UPF2: variants seen among roughly 807,000 people sequenced by gnomAD.
The protein encoded by UPF2 is regulator of nonsense transcripts 2.
In UPF2, 17 loss-of-function variants were observed where a neutral mutation model predicts 141.4. The ratio of observed to expected loss-of-function variants is 0.12; its 90% CI spans 0.08 to 0.18. The LOEUF (loss-of-function observed/expected upper bound fraction) is 0.18. UPF2 is among the 10% of genes least tolerant of loss of function. UPF2 has a pLI of 1.00. For synonymous variants in UPF2, 540 were observed against 498.0 expected, an observed-to-expected ratio of 1.08 and a Z score of -1.12; for missense variants, 1,152 against 1,515.9, an observed-to-expected ratio of 0.76 and a Z score of 3.99.
chr10:12,040,239 T>C (rs1357639096), intron 1 of UPF2, among the ~76,000 whole-genome samples: 1 of 151,956 alleles, frequency 6.6e-6, no homozygotes, highest in African/African-American at 2.4e-5. Flanking sequence ...GCCAACAACA[T>C]GGTGAAACCC....
intron 1 of UPF2, among the ~76,000 whole-genome samples, chr10:12,039,064 A>G (rs1834687277): frequency 6.6e-6 from 1 of 152,228 alleles, no homozygotes; most frequent in Non-Finnish European, 1.5e-5. Context: ...TAAAGCAAGC[A>G]AACTTTCAAA....
At chr10:11,999,799 A>G in intron 7 of UPF2, 107 bp downstream of exon 7, 1 of 890,258 alleles carries the variant, frequency 1.1e-6, no homozygotes, top group Non-Finnish European at 1.8e-6. Flanking sequence ...ATTTGAAGAA[A>G]TGGTGGACTT....
At chr10:12,025,717 T>C (rs1158743724) in intron 3 of UPF2, among the ~76,000 whole-genome samples, 1 of 152,226 alleles carries the variant, frequency 6.6e-6, no homozygotes. Flanking sequence ...CCACATCCTT[T>C]TCAAATTTTT....
At chr10:12,007,015 C>T (rs568546411) in intron 4 of UPF2, among the ~76,000 whole-genome samples, 1 of 152,254 alleles carries the variant, frequency 6.6e-6, no homozygotes, top group East Asian at 1.9e-4. Context: ...TCTTAGACTT[C>T]CCAGACTCCA....
At chr10:11,923,545 G>GT (rs1832672291) in intron 21 of UPF2, among the ~76,000 whole-genome samples, 2 of 152,144 alleles carry the variant, frequency 1.3e-5, no homozygotes, top group Admixed American at 6.5e-5. Flanking sequence ...GCCAGGTGTG[G>GT]TGGCAGGTGC....
At chr10:12,015,244 G>A (rs895462588) in intron 3 of UPF2, among the ~76,000 whole-genome samples, 2 of 152,128 alleles carry the variant, frequency 1.3e-5, no homozygotes, top group Admixed American at 1.3e-4. Flanking sequence ...TACAAACAGT[G>A]AAGAAAACGA....
chr10:11,976,977 G>A (rs1023048278), intron 9 of UPF2, among the ~76,000 whole-genome samples: 5 of 152,184 alleles, frequency 3.3e-5, no homozygotes, highest in Admixed American at 1.3e-4. Flanking sequence ...GTTGGCCAAA[G>A]TTACGATGCT....
At chr10:11,930,514 T>C (rs1172272099) in intron 20 of UPF2, among the ~76,000 whole-genome samples, 1 of 152,214 alleles carries the variant, frequency 6.6e-6, no homozygotes, top group African/African-American at 2.4e-5. Context: ...TGGCGGCTCA[T>C]GTCTGTAACC....
chr10:12,036,596 A>C (rs768958835), intron 1 of UPF2, among the ~76,000 whole-genome samples: 18 of 152,182 alleles, frequency 1.2e-4, no homozygotes, highest in Non-Finnish European at 2.5e-4. Flanking sequence ...GGAACAAAAA[A>C]CTATACTTTG....
intron 12 of UPF2, among the ~76,000 whole-genome samples, chr10:11,957,862 T>A (rs1216957744): frequency 6.6e-5 from 10 of 152,064 alleles, no homozygotes; most frequent in African/African-American, 2.2e-4. Context: ...AACAAATAAA[T>A]AAACCCAAAG....
chr10:12,031,648 T>C (rs923037019), intron 2 of UPF2, among the ~76,000 whole-genome samples: 5 of 152,092 alleles, frequency 3.3e-5, no homozygotes, highest in Non-Finnish European at 7.4e-5. Context: ...TGGTGGCACA[T>C]GCCTGTAGTC....
At chr10:11,970,774 T>C (rs1027134846) in intron 9 of UPF2, among the ~76,000 whole-genome samples, 5 of 152,120 alleles carry the variant, frequency 3.3e-5, no homozygotes, top group African/African-American at 1.2e-4. Context: ...ATCATGCCAC[T>C]GCATTCCAGC....
At chr10:11,976,055 C>G (rs1430314761) in intron 9 of UPF2, among the ~76,000 whole-genome samples, 2 of 152,168 alleles carry the variant, frequency 1.3e-5, no homozygotes, top group Non-Finnish European at 2.9e-5. Flanking sequence ...AACAGCTTCA[C>G]CAGATTCCCA....
At chr10:12,009,703 G>C (rs1056639141) in intron 4 of UPF2, among the ~76,000 whole-genome samples, 2 of 152,196 alleles carry the variant, frequency 1.3e-5, no homozygotes, top group African/African-American at 4.8e-5. Context: ...GTCTCCCTGA[G>C]TTGAGGATGA....
chr10:12,004,845 G>A (rs1213617229), intron 4 of UPF2, 118 bp from the exon 5 acceptor site: 8 of 949,820 alleles, frequency 8.4e-6, no homozygotes, highest in African/African-American at 1.7e-5. Flanking sequence ...CAACTGACAG[G>A]AACTTCTTCA....
At chr10:11,954,212 G>A (rs1179466011) in intron 14 of UPF2, among the ~76,000 whole-genome samples, 1 of 151,994 alleles carries the variant, frequency 6.6e-6, no homozygotes, top group Non-Finnish European at 1.5e-5. Flanking sequence ...TAAATCACAA[G>A]TTTATATAAT....
intron 4 of UPF2, among the ~76,000 whole-genome samples, chr10:12,005,991 T>C (rs930212929): frequency 1.3e-5 from 2 of 152,166 alleles, no homozygotes; most frequent in Non-Finnish European, 2.9e-5. Flanking sequence ...GCAATCCTCC[T>C]GCCTCAACCT....
Position 12,035,071 on chromosome 10 carries a change from G to A in UPF2, c.353C>T (p.Ala118Val). Residue 118 changes from alanine (A) to valine (V), a missense_variant, in exon 2 of 22, where the codon GCT (alanine) becomes GTT (valine). Coordinates refer to ENST00000357604, the MANE Select transcript of UPF2 (RefSeq NM_015542.4). The stretch of plus-strand genomic sequence containing the variant: ...TCAACTGCCTTACTTCATCTGAGCA[G>A]CTGCTTCTTCTTCTTGCTGACGTTT... ...QAKRQQEEEAAAQMKEKEESI... is the reference protein window; with the variant it reads ...QAKRQQEEEAVAQMKEKEESI... 1 of 1,567,634 alleles carries A rather than the reference G, an allele frequency of 6.4e-7. No homozygotes were observed. The highest frequency in any genetic ancestry group is 8.6e-7 in the Non-Finnish European group (1 of 1,167,194).
chr10:11,977,580 T>C (rs1588548431), intron 9 of UPF2, among the ~76,000 whole-genome samples: 1 of 152,168 alleles, frequency 6.6e-6, no homozygotes, highest in South Asian at 2.1e-4. Flanking sequence ...GTGTTTTAAT[T>C]TGGGGATTGG....
Sources: gnomAD v4.1 joint callset for allele counts (sites outside exome capture counted in the v4.1 genomes callset) on GRCh38, gnomAD v4.1.1 for gene constraint, MANE v1.5 for transcripts, NCBI Gene and HGNC (gene_info 2026-07-23, HGNC 2026-07-21) for gene names.